Variants in HAUS8 observed in about 807,000 individuals in gnomAD.
HAUS8 encodes the protein HAUS augmin like complex subunit 8.
Under a neutral mutation model 42.9 loss-of-function variants are expected in HAUS8, and 38 were observed. The ratio of observed to expected loss-of-function variants is 0.89; its 90% CI spans 0.68 to 1.16. HAUS8 has a LOEUF of 1.16. Ranked by LOEUF, HAUS8 falls within the 50% of genes most tolerant of loss-of-function variation. The pLI is 0.00. For missense variants in HAUS8, 494 were observed against 511.6 expected (o/e 0.97, Z 0.33); for synonymous variants, 199 against 205.8 (o/e 0.97, Z 0.28).
chr19:17,073,412 A>G (rs2057440676), intron 1 of HAUS8, 77 bp from the exon 2 acceptor site: 5 of 1,358,396 alleles, frequency 3.7e-6, no homozygotes, highest in African/African-American at 1.4e-5. Context: ...TGCCTCTGCT[A>G]GTTGAAGCTC....
At chr19:17,073,656 C>T in intron 1 of HAUS8, 2 of 325,980 alleles carry the variant, frequency 6.1e-6, no homozygotes, top group Non-Finnish European at 1.2e-5. Flanking sequence ...CTACTATATT[C>T]CAGTAGAGAC....
chr19:17,059,989 T>G lies in HAUS8; in HGVS notation c.325+8A>C. The G allele has an allele frequency of 6.2e-7, 1 of 1,601,162 alleles. No individual in the cohort carries two copies. Among genetic ancestry groups the G allele is most frequent in the South Asian group, 1.1e-5 (1 of 90,798 alleles). On this transcript the variant is annotated splice_region_variant and intron_variant, in intron 5 of 10. Transcript: ENST00000253669. ...TGAGTGACAGAAGGGGTGAAACAAATGATTTACCATTAATAGCAGAGAGAT... is the reference window on the plus strand; with the variant it reads ...TGAGTGACAGAAGGGGTGAAACAAAGGATTTACCATTAATAGCAGAGAGAT...
intron 3 of HAUS8, among the ~76,000 whole-genome samples, chr19:17,067,889 G>GTA (rs2057396410): frequency 6.6e-6 from 1 of 152,060 alleles, no homozygotes; most frequent in African/African-American, 2.4e-5. Flanking sequence ...ATATATAATT[G>GTA]TATAATCTAC....
rs749185722 is a variant in HAUS8 at position 17,075,431 on chromosome 19, C to T, written c.-9G>A. 71 of 1,613,680 alleles carry T rather than the reference C, an allele frequency of 4.4e-5. No homozygotes were observed. The highest frequency in any genetic ancestry group is 5.5e-5 in the Non-Finnish European group (65 of 1,179,922). On this transcript the variant is annotated 5_prime_UTR_variant, in exon 1 of 11. Transcript: ENST00000253669. ...CCCGAGGAATCCGCCATTTTCCCGC[C>T]TTCCACCTCAAGGCCCGACCCGCCG...
rs377045021 is a variant in HAUS8 at position 17,059,872 on chromosome 19, A to C, written c.325+125T>G. The C allele has an allele frequency of 6.7e-6, 5 of 745,952 alleles. No individual in the cohort carries two copies. In the East Asian group the frequency reaches 7.6e-5, roughly 11 times the overall value. 46.2% of individuals were successfully genotyped at this position (745,952 alleles called of 1,614,324 possible). ...GTATTAAGTATATTTTTGATGTACA[A>C]TATTTTCAACTTACAATGGGTTTGT... is the stretch of plus-strand genomic sequence containing the variant. On this transcript the variant is annotated intron_variant, in intron 5 of 10. Coordinates refer to ENST00000253669, the MANE Select transcript of HAUS8 (RefSeq NM_033417.2).
chr19:17,054,013 G>C (rs1039684082), intron 9 of HAUS8, among the ~76,000 whole-genome samples: 21 of 152,076 alleles, frequency 1.4e-4, no homozygotes, highest in Non-Finnish European at 7.4e-5. Context: ...GCCACGTGAG[G>C]ACGGGCAGAG....
intron 3 of HAUS8, among the ~76,000 whole-genome samples, chr19:17,064,451 C>CCTGAG (rs1377936894): frequency 6.6e-6 from 1 of 152,218 alleles, no homozygotes; most frequent in Non-Finnish European, 1.5e-5. Context: ...AGAGGTCTCA[C>CCTGAG]ATTACCTGTT....
intron 10 of HAUS8, 127 bp from the exon 11 acceptor site, chr19:17,050,303 G>C: frequency 1.8e-6 from 1 of 548,924 alleles, no homozygotes; most frequent in South Asian, 5.1e-5. Flanking sequence ...GTGGGAAAGG[G>C]CCAGCAAATA....
intron 4 of HAUS8, among the ~76,000 whole-genome samples, chr19:17,060,416 ACCTT>A (rs969140448): frequency 1.6e-4 from 25 of 151,902 alleles, no homozygotes; most frequent in Non-Finnish European, 3.5e-4. Context: ...CTCTCTTTCC[ACCTT>A]TTTTGTTTTT....
At chr19:17,062,223 C>T (rs1035219170) in intron 4 of HAUS8, among the ~76,000 whole-genome samples, 8 of 152,170 alleles carry the variant, frequency 5.3e-5, no homozygotes, top group Admixed American at 2.0e-4. Context: ...CAGGTTCAAG[C>T]GATTCGCCTG....
chr19:17,068,567 G>A (rs577653372), intron 3 of HAUS8, among the ~76,000 whole-genome samples: 2 of 152,256 alleles, frequency 1.3e-5, no homozygotes, highest in South Asian at 4.1e-4. Context: ...AGTAGCTCAA[G>A]ATCAGCCTGG....
intron 8 of HAUS8, 113 bp from the exon 9 acceptor site, chr19:17,056,115 C>A (rs1483644835): frequency 7.9e-6 from 8 of 1,013,136 alleles, no homozygotes; most frequent in Non-Finnish European, 1.2e-5. Flanking sequence ...TCACCACCCC[C>A]CAGGGAATCA....
intron 10 of HAUS8, among the ~76,000 whole-genome samples, chr19:17,050,525 C>T (rs961902064): frequency 3.3e-5 from 5 of 152,016 alleles, no homozygotes; most frequent in African/African-American, 9.7e-5. Context: ...TTTGGGAGGC[C>T]GAGGCAGACA....
intron 4 of HAUS8, among the ~76,000 whole-genome samples, chr19:17,061,528 A>G (rs926978717): frequency 2.2e-4 from 33 of 152,336 alleles, no homozygotes; most frequent in Middle Eastern, 3.4e-3. Context: ...TTAATTTTCT[A>G]CAAAGCCATA....
At chr19:17,059,481 G>C in intron 6 of HAUS8, 76 bp downstream of exon 6, 1 of 1,000,924 alleles carries the variant, frequency 1.0e-6, no homozygotes, top group Non-Finnish European at 1.6e-6. Flanking sequence ...TGGGCACTCA[G>C]CATCTGGTTC....
intron 2 of HAUS8, among the ~76,000 whole-genome samples, chr19:17,070,710 T>C (rs1004648305): frequency 6.6e-6 from 1 of 152,196 alleles, no homozygotes; most frequent in African/African-American, 2.4e-5. Context: ...CCAGGATTTT[T>C]GTCTCCTTCG....
chr19:17,056,114 C>T (rs1313439970), intron 8 of HAUS8, 112 bp from the exon 9 acceptor site: 2 of 1,013,668 alleles, frequency 2.0e-6, no homozygotes, highest in African/African-American at 1.6e-5. Flanking sequence ...TTCACCACCC[C>T]CCAGGGAATC....
chr19:17,064,426 C>T (rs999472071), intron 3 of HAUS8, among the ~76,000 whole-genome samples: 14 of 152,158 alleles, frequency 9.2e-5, no homozygotes, highest in Non-Finnish European at 8.8e-5. Context: ...TAAACAGTCT[C>T]GGAAAAGCAC....
intron 1 of HAUS8, 176 bp downstream of exon 1, chr19:17,075,218 A>T (rs2057462285): frequency 1.5e-6 from 1 of 685,410 alleles, no homozygotes; most frequent in Middle Eastern, 2.7e-4. Context: ...GTCGGGTGTC[A>T]GCGCTCCGGA....
Sources: allele counts gnomAD v4.1 joint callset (sites outside exome capture counted in the v4.1 genomes callset), GRCh38; gene constraint gnomAD v4.1.1; transcripts MANE v1.5; gene names NCBI Gene and HGNC (gene_info 2026-07-23, HGNC 2026-07-21).